CHD6: variants seen among roughly 807,000 people sequenced by gnomAD.
CHD6 encodes ATP-dependent chromatin remodeler CHD6.
CHD6 carries 50 observed loss-of-function variants against 276.9 expected under a neutral mutation model. The observed-to-expected ratio is 0.18, with a 90% confidence interval of 0.14 to 0.23. The LOEUF is 0.23. Among genes scored for constraint, CHD6 ranks in the 10% least tolerant of loss-of-function variants. The pLI is 1.00. For synonymous variants in CHD6, 1,173 were observed against 1,229.3 expected, an observed-to-expected ratio of 0.95 and a Z score of 0.96; for missense variants, 2,564 against 3,365.8, an observed-to-expected ratio of 0.76 and a Z score of 5.89.
intron 36 of CHD6, among the ~76,000 whole-genome samples, chr20:41,410,935 G>A (rs532184696): frequency 3.3e-5 from 5 of 152,264 alleles, no homozygotes; most frequent in African/African-American, 1.2e-4. Flanking sequence ...AAAAGGAGAA[G>A]GTGGGAGGCA....
chr20:41,483,931 A>G (rs1159639030), intron 15 of CHD6, among the ~76,000 whole-genome samples: 1 of 152,230 alleles, frequency 6.6e-6, no homozygotes. Flanking sequence ...CATTTTCTCT[A>G]ACTAGTTTGG....
At chr20:41,498,313 T>G in intron 6 of CHD6, 87 bp from the exon 7 acceptor site, 18 of 879,828 alleles carry the variant, frequency 2.0e-5, no homozygotes, top group Non-Finnish European at 2.7e-5. Context: ...TCAATATCTC[T>G]GCCTGATTTC....
intron 33 of CHD6, among the ~76,000 whole-genome samples, chr20:41,416,374 T>C (rs3817895): frequency 0.021 from 3,159 of 152,276 alleles, 47 homozygotes; most frequent in South Asian, 0.035. Context: ...GCTGCAAACC[T>C]CTGCTTTCAT....
intron 1 of CHD6, among the ~76,000 whole-genome samples, chr20:41,566,447 G>A (rs914453268): frequency 2.0e-5 from 3 of 152,110 alleles, no homozygotes; most frequent in Non-Finnish European, 2.9e-5. Flanking sequence ...CCAATATTAT[G>A]TGCTGCCTTG....
At position 41,452,635 on chromosome 20, in the gene CHD6, A is replaced by G; in HGVS notation, c.3323+105T>C. ...TCCAACAGATCCCCCTTTGCCCTAT[A>G]ATTCCAAAGGTGACTGGAGAGACAT... On this transcript the variant is annotated intron_variant, in intron 21 of 36. Coordinates refer to ENST00000373233, the MANE Select transcript of CHD6 (RefSeq NM_032221.5). This position sits in a 1 kb window ranked among gnomAD's most constrained non-coding sequence, Gnocchi z 4.2. 5 of 1,016,212 alleles carry G rather than the reference A, an allele frequency of 4.9e-6. No individual in the cohort carries two copies. The highest frequency in any genetic ancestry group is 5.9e-6 in the Non-Finnish European group (4 of 681,766). 62.9% of individuals were successfully genotyped at this position (1,016,212 alleles called of 1,614,324 possible). A position where few individuals can be genotyped will look rare whatever the true frequency, so the allele number is the denominator to read the frequency against.
intron 2 of CHD6, among the ~76,000 whole-genome samples, chr20:41,545,857 A>C (rs1274193915): frequency 1.3e-5 from 2 of 152,126 alleles, no homozygotes; most frequent in Non-Finnish European, 2.9e-5. Context: ...ACCCTGAAGC[A>C]AAAAGCCTGA....
chr20:41,535,115 C>T (rs1190695204), intron 2 of CHD6, among the ~76,000 whole-genome samples: 2 of 152,170 alleles, frequency 1.3e-5, no homozygotes, highest in African/African-American at 4.8e-5. Flanking sequence ...AGGCAGCTCT[C>T]TGAAGGTCAG....
At chr20:41,487,882 G>A in intron 13 of CHD6, 74 bp from the exon 14 acceptor site, 1 of 1,517,170 alleles carries the variant, frequency 6.6e-7, no homozygotes, top group South Asian at 1.2e-5. Flanking sequence ...GGAAAATTAA[G>A]CCAGGGCATT....
intron 27 of CHD6, among the ~76,000 whole-genome samples, chr20:41,434,590 A>G (rs1201363073): frequency 2.6e-5 from 4 of 152,122 alleles, no homozygotes; most frequent in Non-Finnish European, 5.9e-5. Flanking sequence ...GGCTGGTCTC[A>G]AACCCCTGGC....
At chr20:41,478,024 C>G (rs1030318448) in intron 16 of CHD6, among the ~76,000 whole-genome samples, 6 of 152,162 alleles carry the variant, frequency 3.9e-5, no homozygotes, top group African/African-American at 1.2e-4. Flanking sequence ...ACCCCTCCCC[C>G]ACAATTAGCT....
intron 9 of CHD6, 86 bp from the exon 10 acceptor site, chr20:41,493,758 C>A: frequency 6.4e-7 from 1 of 1,558,250 alleles, no homozygotes; most frequent in South Asian, 1.1e-5. Flanking sequence ...AACCACCCTA[C>A]GTGACTAGAC....
At chr20:41,502,050 T>C (rs2043841824) in intron 5 of CHD6, among the ~76,000 whole-genome samples, 1 of 152,184 alleles carries the variant, frequency 6.6e-6, no homozygotes, top group Non-Finnish European at 1.5e-5. Context: ...ATACACAGAT[T>C]ACAAACATTT....
At position 41,493,556 on chromosome 20, in the gene CHD6, G is replaced by A; in HGVS notation, c.1296C>T (p.Leu432=). Residue 432 remains leucine (L), a synonymous_variant, in exon 10 of 37, where the codon CTC becomes CTT. Transcript: ENST00000373233. ...ACTTTACCACATGCTTAATTTCAGG[G>A]AGAACTTGAAGAGATTCAAATTCTT... ...KVKEFESLQV[L]PEIKHVERPA... is the part of the protein sequence containing the mutation. 1.2e-6 allele frequency: 2 copies of A among 1,613,728 alleles called. No homozygotes were observed. Among genetic ancestry groups the A allele is most frequent in the East Asian group, 2.2e-5 (1 of 44,854 alleles).
At chr20:41,525,349 C>G (rs979626510) in intron 3 of CHD6, among the ~76,000 whole-genome samples, 1 of 152,216 alleles carries the variant, frequency 6.6e-6, no homozygotes, top group Non-Finnish European at 1.5e-5. Flanking sequence ...CACAGCCATT[C>G]TGCAGACAGT....
At position 41,551,320 on chromosome 20, in the gene CHD6, C is replaced by T; in HGVS notation, c.18G>A (p.Gln6=). 2 of 1,487,116 alleles carry T rather than the reference C, an allele frequency of 1.3e-6. No individual in the cohort carries two copies. The highest frequency in any genetic ancestry group is 1.9e-6 in the Non-Finnish European group (2 of 1,073,846). 92.1% of individuals were successfully genotyped at this position (1,487,116 alleles called of 1,614,324 possible). ...GATCACTTACCTGCTTCTCTTTTTT[C>T]TGTATTTTCATTTTCATCTATTGAA... The part of the protein sequence containing the change: MKMKI[Q]KKEKQLSNLK... Residue 6 remains glutamine, a synonymous_variant, in exon 2 of 37, where the codon CAG becomes CAA. Transcript: ENST00000373233.
intron 25 of CHD6, among the ~76,000 whole-genome samples, chr20:41,443,179 C>G (rs2047952759): frequency 6.6e-6 from 1 of 152,166 alleles, no homozygotes; most frequent in Non-Finnish European, 1.5e-5. Flanking sequence ...CAGGTGTGAT[C>G]AGCAAACACA....
chr20:41,609,758 AC>A (rs2045865882), intron 1 of CHD6, among the ~76,000 whole-genome samples: 1 of 151,864 alleles, frequency 6.6e-6, no homozygotes, highest in East Asian at 1.9e-4. Context: ...ATCTAATAAA[AC>A]TGCTGTATGA....
At position 41,422,224 on chromosome 20, in the gene CHD6, T is replaced by C. The variant is rs41278120; in HGVS notation, c.4556-145A>G. On this transcript the variant is annotated intron_variant, in intron 30 of 36. Transcript: ENST00000373233. ...TCAGGTGTGTGAGCCCTTGCCAAAA[T>C]AGGAAACTGAAAAAGAATGGAAGGC... is the stretch of plus-strand genomic sequence containing the variant. 0.017 allele frequency: 12,281 copies of C among 734,002 alleles called. 180 individuals are homozygous for C. Among genetic ancestry groups the C allele is most frequent in the East Asian group, 0.052 (1,884 of 36,550 alleles). The allele number at this position is 734,002 out of a possible 1,614,324, so 45.5% of individuals were successfully genotyped here. A position where few individuals can be genotyped will look rare whatever the true frequency, so the allele number is the denominator to read the frequency against.
intron 16 of CHD6, among the ~76,000 whole-genome samples, chr20:41,478,456 G>C (rs1249550961): frequency 6.6e-6 from 1 of 152,230 alleles, no homozygotes; most frequent in African/African-American, 2.4e-5. Context: ...GTTTCAGCCA[G>C]AGGGGAGGCC....
Sources: gnomAD v4.1 joint callset for allele counts (sites outside exome capture counted in the v4.1 genomes callset) on GRCh38, gnomAD v4.1.1 for gene constraint, Gnocchi (gnomAD v3.1) non-coding constraint, MANE v1.5 for transcripts, NCBI Gene and HGNC (gene_info 2026-07-23, HGNC 2026-07-21) for gene names.